Variants in SMYD3 observed in about 807,000 individuals in gnomAD.
SMYD3 encodes SET and MYND domain containing 3.
In SMYD3, 36 loss-of-function variants were observed where a neutral mutation model predicts 57.7. That is an observed-to-expected ratio of 0.62 (90% CI 0.48 to 0.82). SMYD3 has a LOEUF of 0.82. Among genes scored for constraint, SMYD3 ranks in the 40% least tolerant of loss-of-function variants. The pLI is 0.00. For missense variants in SMYD3, 515 were observed against 538.8 expected (o/e 0.96, Z 0.44); for synonymous variants, 211 against 195.0 (o/e 1.08, Z -0.68).
chr1:245,763,581 A>G (rs1344548219), intron 11 of SMYD3, among the ~76,000 whole-genome samples: 1 of 152,082 alleles, frequency 6.6e-6, no homozygotes, highest in Non-Finnish European at 1.5e-5. Flanking sequence ...GGGTGGGTGG[A>G]AAGGAAGAGA....
At chr1:246,365,493 TAAAAA>T (rs10542908) in intron 1 of SMYD3, among the ~76,000 whole-genome samples, 36 of 90,478 alleles carry the variant, frequency 4.0e-4, no homozygotes, top group East Asian at 2.5e-3. Context: ...AGACCCTGTC[TAAAAA>T]AAAAAAAAAA....
intron 8 of SMYD3, among the ~76,000 whole-genome samples, chr1:245,892,716 T>G (rs2053467895): frequency 6.6e-6 from 1 of 152,196 alleles, no homozygotes; most frequent in Non-Finnish European, 1.5e-5. Flanking sequence ...ACATTATGCA[T>G]ACACATAAAT....
intron 8 of SMYD3, among the ~76,000 whole-genome samples, chr1:245,874,569 C>G (rs1360859455): frequency 2.0e-5 from 3 of 152,188 alleles, no homozygotes; most frequent in Admixed American, 6.5e-5. Context: ...CAGAGTTGGG[C>G]TGCAGAAATT....
intron 5 of SMYD3, among the ~76,000 whole-genome samples, chr1:246,187,217 G>A (rs150533413): frequency 1.0e-3 from 157 of 151,880 alleles, no homozygotes; most frequent in African/African-American, 3.3e-3. Context: ...TGAACCCGGA[G>A]GCAGAGCCTG....
intron 1 of SMYD3, among the ~76,000 whole-genome samples, chr1:246,462,573 C>A (rs1410939275): frequency 6.6e-6 from 1 of 152,166 alleles, no homozygotes; most frequent in East Asian, 1.9e-4. Flanking sequence ...CATCCCTTGA[C>A]CCCGAGGCTC....
At chr1:246,204,947 C>T (rs1189322109) in intron 5 of SMYD3, among the ~76,000 whole-genome samples, 2 of 152,174 alleles carry the variant, frequency 1.3e-5, no homozygotes, top group African/African-American at 4.8e-5. Context: ...TACATCAGGC[C>T]AGAACTATCT....
chr1:245,825,913 A>C (rs1194579409), intron 10 of SMYD3, among the ~76,000 whole-genome samples: 1 of 148,812 alleles, frequency 6.7e-6, no homozygotes, highest in Non-Finnish European at 1.5e-5. Context: ...ACTCTACGAA[A>C]ACTCCACGTC....
rs191909115 is a variant in SMYD3, at chr1:246,344,413, G to A, written c.229-8939C>T. On this transcript the variant is annotated intron_variant, in intron 2 of 11. Transcript: ENST00000490107. ...GTACAGTGTTTTGAGATTCACTAACGTTGCGGCATGCATCAGTAGTTTGTT... is the reference window on the plus strand; with the variant it reads ...GTACAGTGTTTTGAGATTCACTAACATTGCGGCATGCATCAGTAGTTTGTT... Among the ~76,000 whole-genome samples, 177 of 152,242 alleles carry A rather than the reference G, an allele frequency of 1.2e-3. 2 individuals carry two copies. Among genetic ancestry groups the A allele is most frequent in the Admixed American group, 0.011 (162 of 15,290 alleles).
At chr1:246,441,694 C>T (rs1012371406) in intron 1 of SMYD3, among the ~76,000 whole-genome samples, 7 of 152,218 alleles carry the variant, frequency 4.6e-5, no homozygotes, top group African/African-American at 1.7e-4. Flanking sequence ...TCACCACAAC[C>T]TCCACCTCCT....
chr1:246,227,912 T>C lies in SMYD3; in HGVS notation c.531+99289A>G, dbSNP rs2063352085. Among the ~76,000 whole-genome samples, 5 of 152,062 alleles carry C rather than the reference T, an allele frequency of 3.3e-5. No homozygotes were observed. In the South Asian group the frequency reaches 1.0e-3, roughly 32 times the overall value. ...AAAATAGATTTGGCATCATATGCTA[T>C]GTTATTTATATTTACCTAACACCAC... On this transcript the variant is annotated intron_variant, in intron 5 of 11. Coordinates refer to ENST00000490107, the MANE Select transcript of SMYD3 (RefSeq NM_001167740.2).
chr1:245,807,634 T>C (rs2048251412), intron 10 of SMYD3, among the ~76,000 whole-genome samples: 1 of 152,158 alleles, frequency 6.6e-6, no homozygotes, highest in African/African-American at 2.4e-5. Context: ...AGTTACTTCC[T>C]GGTTTCTAAG....
In SMYD3 at chr1:246,193,203, G is replaced by C. The variant is rs571230004; in HGVS notation, c.531+133998C>G. On this transcript the variant is annotated intron_variant, in intron 5 of 11. Coordinates refer to ENST00000490107, the MANE Select transcript of SMYD3 (RefSeq NM_001167740.2). ...TGGTACTACAGCCTCTGACAAATTA[G>C]GGACAACCTGAGAGCCACATTGGTA... Among the ~76,000 whole-genome samples, 8 of 152,188 alleles carry C rather than the reference G, an allele frequency of 5.3e-5. No individual in the cohort carries two copies. In the South Asian group the frequency reaches 1.7e-3, roughly 32 times the overall value.
At chr1:245,831,140 A>T (rs10802275) in intron 10 of SMYD3, among the ~76,000 whole-genome samples, 1 of 152,080 alleles carries the variant, frequency 6.6e-6, no homozygotes, top group Non-Finnish European at 1.5e-5. Flanking sequence ...CCAATATTTT[A>T]GCAGGGCCTC....
intron 1 of SMYD3, among the ~76,000 whole-genome samples, chr1:246,437,934 T>C (rs1260219467): frequency 1.3e-5 from 2 of 152,338 alleles, no homozygotes; most frequent in East Asian, 3.9e-4. Context: ...TGCTTAAAGT[T>C]TGTCAGAATG....
intron 10 of SMYD3, among the ~76,000 whole-genome samples, chr1:245,794,140 C>T (rs1256722639): frequency 6.6e-6 from 1 of 152,208 alleles, no homozygotes; most frequent in Non-Finnish European, 1.5e-5. Context: ...ACAGGGAAAG[C>T]AGTTGTGTTC....
At chr1:246,102,879 T>C (rs1304851359) in intron 5 of SMYD3, among the ~76,000 whole-genome samples, 2 of 152,198 alleles carry the variant, frequency 1.3e-5, no homozygotes, top group African/African-American at 2.4e-5. Flanking sequence ...AAGGGGACCC[T>C]GTCTCTATCA....
intron 9 of SMYD3, among the ~76,000 whole-genome samples, chr1:245,860,896 T>C (rs1251981164): frequency 6.6e-6 from 1 of 152,250 alleles, no homozygotes; most frequent in Non-Finnish European, 1.5e-5. Context: ...TACCTTATTT[T>C]AACATTGTGC....
intron 10 of SMYD3, among the ~76,000 whole-genome samples, 156 bp downstream of exon 10, chr1:245,858,337 AGAG>A (rs2051361274): frequency 6.6e-6 from 1 of 152,276 alleles, no homozygotes; most frequent in African/African-American, 2.4e-5. Context: ...TGAATGAACA[AGAG>A]GAGTGAATAA....
At chr1:246,447,260 G>A (rs1012811982) in intron 1 of SMYD3, among the ~76,000 whole-genome samples, 1 of 152,176 alleles carries the variant, frequency 6.6e-6, no homozygotes, top group African/African-American at 2.4e-5. Context: ...AGGTAATTAA[G>A]TAAGTAGAGT....
Sources: gnomAD v4.1 joint callset for allele counts (sites outside exome capture counted in the v4.1 genomes callset) on GRCh38, gnomAD v4.1.1 for gene constraint, MANE v1.5 for transcripts, NCBI Gene and HGNC (gene_info 2026-07-23, HGNC 2026-07-21) for gene names.